Variants in ENAH observed in about 807,000 individuals in gnomAD.
ENAH encodes ENAH actin regulator.
A neutral mutation model predicts 78.7 loss-of-function variants in ENAH; 23 were observed. That is an observed-to-expected ratio of 0.29 (90% CI 0.21 to 0.41). ENAH has a LOEUF of 0.41. Ranked by LOEUF, ENAH falls within the 10% of genes least tolerant of loss-of-function variation. ENAH has a pLI of 1.00. For synonymous variants in ENAH, 226 were observed against 241.0 expected (o/e 0.94, Z 0.58); for missense variants, 544 against 691.0 (o/e 0.79, Z 2.39).
At chr1:225,647,982 T>C (rs1160324753) in intron 1 of ENAH, among the ~76,000 whole-genome samples, 1 of 148,848 alleles carries the variant, frequency 6.7e-6, no homozygotes, top group Non-Finnish European at 1.5e-5. Flanking sequence ...TAAAGTGCAC[T>C]GGAACACACA....
intron 1 of ENAH, among the ~76,000 whole-genome samples, chr1:225,609,676 T>TTC (rs2096977422): frequency 7.3e-6 from 1 of 137,656 alleles, no homozygotes; most frequent in East Asian, 2.1e-4. Context: ...TTTTTTTTTT[T>TTC]TTTTTTTTGA....
At chr1:225,585,131 G>A (rs550240404) in intron 1 of ENAH, among the ~76,000 whole-genome samples, 14 of 140,814 alleles carry the variant, frequency 9.9e-5, no homozygotes, top group African/African-American at 3.2e-4. Context: ...CAGGAGAATC[G>A]CTTGAGCCTG....
intron 4 of ENAH, among the ~76,000 whole-genome samples, chr1:225,526,377 T>C (rs2096505375): frequency 6.6e-6 from 1 of 151,734 alleles, no homozygotes; most frequent in Non-Finnish European, 1.5e-5. Flanking sequence ...TCTTGCTCTG[T>C]CGCCAGGCTG....
intron 1 of ENAH, among the ~76,000 whole-genome samples, chr1:225,611,007 A>G (rs2096985366): frequency 6.6e-6 from 1 of 152,212 alleles, no homozygotes; most frequent in Non-Finnish European, 1.5e-5. Flanking sequence ...ATGTGATTCT[A>G]TTCACATGAG....
chr1:225,491,854 C>A lies in ENAH; in HGVS notation c.*5921G>T, dbSNP rs1022501238. On this transcript the variant is annotated 3_prime_UTR_variant, in exon 14 of 14. Transcript: ENST00000366843. The stretch of plus-strand genomic sequence containing the variant: ...CAACCAAACCAACCTATAACATCAT[C>A]CATCTCCTTTATTAGTTATTTCTTT... 1 of 152,204 alleles carries A rather than the reference C, an allele frequency of 6.6e-6. No individual in the cohort carries two copies. The highest frequency in any genetic ancestry group is 6.5e-5 in the Admixed American group (1 of 15,278). 9.4% of individuals were successfully genotyped at this position (152,204 alleles called of 1,614,324 possible).
intron 1 of ENAH, among the ~76,000 whole-genome samples, chr1:225,615,390 C>T (rs1329025258): frequency 6.6e-6 from 1 of 152,196 alleles, no homozygotes; most frequent in African/African-American, 2.4e-5. Flanking sequence ...TCTCGGCTCG[C>T]TACAACCTCC....
intron 4 of ENAH, among the ~76,000 whole-genome samples, chr1:225,528,661 G>A (rs1222747642): frequency 6.6e-6 from 1 of 152,124 alleles, no homozygotes; most frequent in East Asian, 1.9e-4. Context: ...GTGGTCATTA[G>A]TAGGGCAAAT....
At chr1:225,516,249 A>G (rs2096416304) in intron 6 of ENAH, among the ~76,000 whole-genome samples, 1 of 152,036 alleles carries the variant, frequency 6.6e-6, no homozygotes, top group South Asian at 2.1e-4. Context: ...TCAAGCCACT[A>G]CTTATTGTAA....
chr1:225,529,431 T>TGA (rs1251558922), intron 4 of ENAH, among the ~76,000 whole-genome samples: 1 of 152,188 alleles, frequency 6.6e-6, no homozygotes, highest in Non-Finnish European at 1.5e-5. Flanking sequence ...TCACAAGTAC[T>TGA]GAGACTGATA....
intron 4 of ENAH, among the ~76,000 whole-genome samples, chr1:225,522,857 G>A (rs1368540359): frequency 6.6e-6 from 1 of 152,162 alleles, no homozygotes; most frequent in Non-Finnish European, 1.5e-5. Flanking sequence ...CACAGTAGCT[G>A]TCCCAAGAAA....
Position 225,491,962 on chromosome 1 carries a change from C to T in ENAH, c.*5813G>A, listed in dbSNP as rs1295352445. On this transcript the variant is annotated 3_prime_UTR_variant, in exon 14 of 14. Coordinates refer to ENST00000366843, the MANE Select transcript of ENAH (RefSeq NM_018212.6). Reference sequence around the variant, plus strand: ...AGTTAAATCAGATTTACATGATAAACTATGGGTTGTCATTTGTATATAGAA... The same window carrying T: ...AGTTAAATCAGATTTACATGATAAATTATGGGTTGTCATTTGTATATAGAA... The T allele has an allele frequency of 6.6e-6, 1 of 152,096 alleles. No individual in the cohort carries two copies. The highest frequency in any genetic ancestry group is 1.5e-5 in the Non-Finnish European group (1 of 68,028). 9.4% of individuals were successfully genotyped at this position (152,096 alleles called of 1,614,324 possible). A position where few individuals can be genotyped will look rare whatever the true frequency, so the allele number is the denominator to read the frequency against.
intron 1 of ENAH, among the ~76,000 whole-genome samples, chr1:225,608,067 A>C (rs1355950746): frequency 6.6e-6 from 1 of 152,122 alleles, no homozygotes; most frequent in African/African-American, 2.4e-5. Context: ...CGCAAGGAAC[A>C]GAATCATAAT....
chr1:225,617,579 G>A (rs1428898611), intron 1 of ENAH, among the ~76,000 whole-genome samples: 1 of 152,160 alleles, frequency 6.6e-6, no homozygotes, highest in Non-Finnish European at 1.5e-5. Context: ...GTGCTAAGTG[G>A]ACAGTGTGGT....
At chr1:225,563,384 T>C (rs2096718457) in intron 2 of ENAH, among the ~76,000 whole-genome samples, 1 of 152,238 alleles carries the variant, frequency 6.6e-6, no homozygotes, top group South Asian at 2.1e-4. Context: ...ACGGGAATGC[T>C]CTTGACACTG....
intron 1 of ENAH, among the ~76,000 whole-genome samples, chr1:225,582,927 C>T (rs1401788221): frequency 1.3e-5 from 2 of 151,920 alleles, no homozygotes; most frequent in African/African-American, 4.8e-5. Context: ...CAGTTGAAGA[C>T]GAAGATACTT....
intron 1 of ENAH, among the ~76,000 whole-genome samples, chr1:225,575,327 A>G (rs2096783358): frequency 6.6e-6 from 1 of 152,024 alleles, no homozygotes; most frequent in Non-Finnish European, 1.5e-5. Context: ...TTCCCTCTCA[A>G]TGCTTCCAGA....
At chr1:225,560,295 C>G (rs566813475) in intron 2 of ENAH, among the ~76,000 whole-genome samples, 1 of 151,964 alleles carries the variant, frequency 6.6e-6, no homozygotes, top group Admixed American at 6.5e-5. Flanking sequence ...AGTTCGAGAC[C>G]AGCCTGGCCA....
chr1:225,650,677 C>T (rs1662794724), intron 1 of ENAH, among the ~76,000 whole-genome samples: 1 of 151,504 alleles, frequency 6.6e-6, no homozygotes, highest in African/African-American at 2.4e-5. Flanking sequence ...GGTGAAACCC[C>T]GTCTCTACTA....
chr1:225,553,389 T>C (rs2096651076), intron 3 of ENAH, among the ~76,000 whole-genome samples: 1 of 152,142 alleles, frequency 6.6e-6, no homozygotes, highest in Admixed American at 6.6e-5. Context: ...GAACATTTAG[T>C]TTCCAATATA....
Sources: gnomAD v4.1 joint callset for allele counts (sites outside exome capture counted in the v4.1 genomes callset) on GRCh38, gnomAD v4.1.1 for gene constraint, MANE v1.5 for transcripts, NCBI Gene and HGNC (gene_info 2026-07-23, HGNC 2026-07-21) for gene names.